The following KLF12 variants were observed in gnomAD, a reference collection of about 807,000 sequenced individuals.
KLF12 encodes KLF transcription factor 12.
A neutral mutation model predicts 37.8 loss-of-function variants in KLF12; 9 were observed. The ratio of observed to expected loss-of-function variants is 0.24; its 90% CI spans 0.14 to 0.42. KLF12 has a LOEUF of 0.42. Ranked by LOEUF, KLF12 falls within the 10% of genes least tolerant of loss-of-function variation. The probability of loss-of-function intolerance (pLI) is 1.00; values close to 1 mark genes in which losing one functional copy is unlikely to be tolerated. For missense variants in KLF12, 411 were observed against 516.0 expected, an observed-to-expected ratio of 0.80 and a Z score of 1.97; for synonymous variants, 208 against 202.1, an observed-to-expected ratio of 1.03 and a Z score of -0.25.
At position 73,715,453 on chromosome 13, in the gene KLF12, C is replaced by G; in HGVS notation, c.942G>C (p.Arg314=). The G allele has an allele frequency of 6.2e-7, 1 of 1,614,060 alleles. No homozygotes were observed. The highest frequency in any genetic ancestry group is 2.2e-5 in the East Asian group (1 of 44,868). ...CCTCAAAATCACATCTGTGGATACGCCGTTTTCTGGAGTCTGGGGATTCAG... is the reference window on the plus strand; with the variant it reads ...CCTCAAAATCACATCTGTGGATACGGCGTTTTCTGGAGTCTGGGGATTCAG... Residue 314 remains arginine (R), a synonymous_variant, in exon 7 of 8, where the codon CGG becomes CGC. Coordinates refer to ENST00000377669, the MANE Select transcript of KLF12 (RefSeq NM_007249.5).
intron 5 of KLF12, among the ~76,000 whole-genome samples, chr13:73,776,707 G>C (rs1197043740): frequency 6.6e-6 from 1 of 152,158 alleles, no homozygotes; most frequent in Non-Finnish European, 1.5e-5. Flanking sequence ...TTACCCTGCA[G>C]AAACACATAT....
intron 1 of KLF12, among the ~76,000 whole-genome samples, chr13:74,024,997 G>GA (rs937699770): frequency 5.3e-5 from 8 of 151,738 alleles, no homozygotes; most frequent in South Asian, 2.1e-4. Flanking sequence ...AGCTCAGAGA[G>GA]AAAAAAAATC....
At chr13:73,752,359 C>T (rs949137398) in intron 6 of KLF12, among the ~76,000 whole-genome samples, 8 of 152,070 alleles carry the variant, frequency 5.3e-5, no homozygotes, top group African/African-American at 1.2e-4. Flanking sequence ...TTTTTACCTT[C>T]GGATTTTCTT....
intron 1 of KLF12, among the ~76,000 whole-genome samples, chr13:74,055,021 TAACAGGGC>T (rs1161117446): frequency 6.6e-6 from 1 of 152,124 alleles, no homozygotes; most frequent in East Asian, 1.9e-4. Flanking sequence ...GAAATTACAA[TAACAGGGC>T]AAAGAAATTA....
chr13:73,780,583 G>C (rs867461895), intron 5 of KLF12, among the ~76,000 whole-genome samples: 9 of 151,958 alleles, frequency 5.9e-5, no homozygotes, highest in African/African-American at 1.9e-4. Context: ...AAGTTCAAGC[G>C]ATTCTCCTGC....
chr13:73,712,850 T>C (rs1013226552), intron 7 of KLF12, among the ~76,000 whole-genome samples: 1 of 152,250 alleles, frequency 6.6e-6, no homozygotes, highest in Non-Finnish European at 1.5e-5. Context: ...TTTTTAATTA[T>C]GTACTTTTTT....
chr13:74,101,632 G>A (rs1876347589), intron 1 of KLF12, among the ~76,000 whole-genome samples: 1 of 152,172 alleles, frequency 6.6e-6, no homozygotes, highest in Non-Finnish European at 1.5e-5. Context: ...ATAAAATAAG[G>A]AAGTGCTGAA....
the KLF12 span, among the ~76,000 whole-genome samples, chr13:74,262,871 C>G: frequency 6.6e-6 from 1 of 151,986 alleles, no homozygotes; most frequent in Non-Finnish European, 1.5e-5. Flanking sequence ...ATGTATATAT[C>G]TCACAGAGTC....
At chr13:74,043,083 G>C (rs1893451480) in intron 1 of KLF12, among the ~76,000 whole-genome samples, 1 of 152,118 alleles carries the variant, frequency 6.6e-6, no homozygotes, top group Non-Finnish European at 1.5e-5. Flanking sequence ...CTCTCCATGA[G>C]GTTAAACAGA....
chr13:74,099,760 T>C (rs1248274628), intron 1 of KLF12, among the ~76,000 whole-genome samples: 1 of 152,184 alleles, frequency 6.6e-6, no homozygotes, highest in African/African-American at 2.4e-5. Context: ...TCTGTAGAGG[T>C]GAAGACCATG....
chr13:73,700,212 A>G (rs1041960960), intron 7 of KLF12, among the ~76,000 whole-genome samples: 5 of 152,118 alleles, frequency 3.3e-5, no homozygotes, highest in Non-Finnish European at 4.4e-5. Context: ...GGTTGCAGTG[A>G]GCTGAGATGG....
At chr13:74,013,675 A>G (rs995811296) in intron 1 of KLF12, among the ~76,000 whole-genome samples, 2 of 152,206 alleles carry the variant, frequency 1.3e-5, no homozygotes, top group African/African-American at 2.4e-5. Context: ...GCAAGGAGGA[A>G]TATGAACTCA....
chr13:74,209,105 A>G, the KLF12 span, among the ~76,000 whole-genome samples: 1 of 152,150 alleles, frequency 6.6e-6, no homozygotes, highest in East Asian at 1.9e-4. Context: ...TGAAGAACTT[A>G]CAATCTTATC....
chr13:73,763,343 G>A (rs1879692239), intron 6 of KLF12, among the ~76,000 whole-genome samples: 1 of 152,160 alleles, frequency 6.6e-6, no homozygotes, highest in Non-Finnish European at 1.5e-5. Flanking sequence ...TGCAAGACAG[G>A]TAGGCCCTTG....
chr13:73,703,953 T>C (rs1874738814), intron 7 of KLF12, among the ~76,000 whole-genome samples: 1 of 152,220 alleles, frequency 6.6e-6, no homozygotes, highest in African/African-American at 2.4e-5. Flanking sequence ...TGAACTAAAA[T>C]ATCCCATAAT....
chr13:73,963,743 T>C (rs1173602280), intron 2 of KLF12, among the ~76,000 whole-genome samples: 2 of 152,200 alleles, frequency 1.3e-5, no homozygotes, highest in Non-Finnish European at 2.9e-5. Context: ...TATTTTGACA[T>C]AGAAAATAAG....
chr13:73,686,941 T>G lies in KLF12; in HGVS notation c.*8549A>C, dbSNP rs1182047106. 1 of 151,656 alleles carries G rather than the reference T, an allele frequency of 6.6e-6. No individual in the cohort carries two copies. The highest frequency in any genetic ancestry group is 1.9e-4 in the East Asian group (1 of 5,176). 9.4% of individuals were successfully genotyped at this position (151,656 alleles called of 1,614,324 possible). On this transcript the variant is annotated 3_prime_UTR_variant, in exon 8 of 8. Coordinates refer to ENST00000377669, the MANE Select transcript of KLF12 (RefSeq NM_007249.5). ...TGATATTTTTCTTTATTCCCATGTA[T>G]TTTTTTTTCAAATATGACTGAGAGA...
At chr13:74,209,216 A>G in the KLF12 span, among the ~76,000 whole-genome samples, 1 of 152,132 alleles carries the variant, frequency 6.6e-6, no homozygotes, top group Non-Finnish European at 1.5e-5. Context: ...CACAATGTTT[A>G]AGTTACTCTC....
chr13:73,817,438 T>G (rs1205499915), intron 4 of KLF12, among the ~76,000 whole-genome samples: 2 of 152,034 alleles, frequency 1.3e-5, no homozygotes, highest in African/African-American at 2.4e-5. Flanking sequence ...AAAAAGTTAG[T>G]GCACCAGGTT....
Sources: allele counts gnomAD v4.1 joint callset (sites outside exome capture counted in the v4.1 genomes callset), GRCh38; gene constraint gnomAD v4.1.1; transcripts MANE v1.5; gene names NCBI Gene and HGNC (gene_info 2026-07-23, HGNC 2026-07-21).